Variants in AKT3 observed in about 807,000 individuals in gnomAD.
The protein encoded by AKT3 is AKT serine/threonine kinase 3, also known as RAC-gamma serine/threonine-protein kinase.
AKT3 carries 15 observed loss-of-function variants against 65.3 expected under a neutral mutation model. The observed-to-expected ratio is 0.23, with a 90% CI of 0.15 to 0.35. The LOEUF (loss-of-function observed/expected upper bound fraction) is 0.35. AKT3 is among the 10% of genes least tolerant of loss of function. The probability of loss-of-function intolerance (pLI) is 1.00; values close to 1 mark genes in which losing one functional copy is unlikely to be tolerated. For synonymous variants in AKT3, 206 were observed against 183.8 expected (o/e 1.12, Z -0.98); for missense variants, 243 against 576.5 (o/e 0.42, Z 5.92).
At chr1:243,545,816 C>T (rs1371078268) in intron 11 of AKT3, among the ~76,000 whole-genome samples, 1 of 152,236 alleles carries the variant, frequency 6.6e-6, no homozygotes, top group East Asian at 1.9e-4. Context: ...AGAGCAGAGG[C>T]TTTAGAGATA....
intron 6 of AKT3, among the ~76,000 whole-genome samples, chr1:243,630,313 C>T (rs1391272244): frequency 6.6e-6 from 1 of 152,124 alleles, no homozygotes; most frequent in Non-Finnish European, 1.5e-5. Flanking sequence ...GTGTTATAAC[C>T]CAAATCAGGA....
intron 2 of AKT3, among the ~76,000 whole-genome samples, chr1:243,728,084 C>T (rs1403645152): frequency 2.6e-5 from 4 of 152,260 alleles, no homozygotes; most frequent in South Asian, 2.1e-4. Context: ...TCACAGTGTA[C>T]GTTAACATGA....
chr1:243,646,544 G>C (rs530072184), intron 4 of AKT3, among the ~76,000 whole-genome samples: 2 of 151,786 alleles, frequency 1.3e-5, no homozygotes, highest in Admixed American at 1.3e-4. Flanking sequence ...TAGTAGAGAC[G>C]GGGTTTCACC....
chr1:243,540,604 T>G (rs1408604775), intron 12 of AKT3, among the ~76,000 whole-genome samples: 2 of 152,120 alleles, frequency 1.3e-5, no homozygotes, highest in East Asian at 3.8e-4. Context: ...AGTATGAATA[T>G]CAAAACAAAG....
intron 9 of AKT3, among the ~76,000 whole-genome samples, chr1:243,567,142 G>A (rs931229741): frequency 2.6e-5 from 4 of 152,040 alleles, no homozygotes; most frequent in Admixed American, 2.0e-4. Context: ...TTAGCTGTGC[G>A]TGGTGGTATG....
At chr1:243,590,959 T>C (rs1263880793) in intron 8 of AKT3, among the ~76,000 whole-genome samples, 1 of 152,120 alleles carries the variant, frequency 6.6e-6, no homozygotes, top group Non-Finnish European at 1.5e-5. Flanking sequence ...GCTGGATACC[T>C]AGAAACAATG....
At chr1:243,489,208 C>T in intron 13 of AKT3, 2 of 1,570,098 alleles carry the variant, frequency 1.3e-6, no homozygotes, top group South Asian at 2.3e-5. Context: ...CTTTTATGCA[C>T]CTCAACAGGC....
At chr1:243,589,682 G>GTA (rs934482305) in intron 8 of AKT3, among the ~76,000 whole-genome samples, 4 of 152,072 alleles carry the variant, frequency 2.6e-5, no homozygotes, top group South Asian at 2.1e-4. Context: ...TCACTTCTAG[G>GTA]TATATATATC....
chr1:243,843,424 T>A lies in AKT3; in HGVS notation c.-112-142A>T, dbSNP rs1206179360. ...GGCTCTTCAAACTGGGGAACTTATTTATTAAATAGTTCTATAATGAAAGCA... is the reference window on the plus strand; with the variant it reads ...GGCTCTTCAAACTGGGGAACTTATTAATTAAATAGTTCTATAATGAAAGCA... On this transcript the variant is annotated intron_variant, in intron 1 of 13. Transcript: ENST00000673466. 2.7e-6 allele frequency: 3 copies of A among 1,097,338 alleles called. No homozygotes were observed. The East Asian group carries it at 9.8e-5, about 36-fold the overall frequency. The allele number at this position is 1,097,338 out of a possible 1,614,324, so 68.0% of individuals were successfully genotyped here.
At chr1:243,824,138 G>C (rs951614191) in intron 2 of AKT3, among the ~76,000 whole-genome samples, 13 of 152,098 alleles carry the variant, frequency 8.5e-5, no homozygotes, top group African/African-American at 2.9e-4. Context: ...TGACAAACCT[G>C]ACAAAAACAA....
intron 4 of AKT3, among the ~76,000 whole-genome samples, chr1:243,649,494 T>C (rs556652938): frequency 7.1e-4 from 108 of 152,146 alleles, no homozygotes; most frequent in Non-Finnish European, 1.3e-3. Context: ...ACATGTGTCA[T>C]GGCGGTTTGC....
intron 13 of AKT3, among the ~76,000 whole-genome samples, chr1:243,506,872 A>G (rs1325439423): frequency 2.0e-5 from 3 of 152,242 alleles, no homozygotes; most frequent in Non-Finnish European, 4.4e-5. Context: ...CAAGTCACAC[A>G]CATCTTTTAG....
chr1:243,498,817 T>C (rs1668730279), downstream of AKT3, among the ~76,000 whole-genome samples: 1 of 152,214 alleles, frequency 6.6e-6, no homozygotes, highest in Non-Finnish European at 1.5e-5. Flanking sequence ...CACTTCTCTT[T>C]TTGGAAGATG....
At chr1:243,667,135 C>T (rs1682843743) in intron 3 of AKT3, among the ~76,000 whole-genome samples, 3 of 152,172 alleles carry the variant, frequency 2.0e-5, no homozygotes, top group South Asian at 2.1e-4. Context: ...AGTAAGACAT[C>T]GTTACCATGA....
At position 243,664,859 on chromosome 1, in the gene AKT3, C is replaced by A; in HGVS notation, c.197G>T (p.Arg66Leu). The change falls in exon 4 of 14, where the codon CGA becomes CTA. Residue 66 changes from arginine to leucine, a missense_variant. Around this residue, in one of 6 missense-constraint regions of AKT3, gnomAD observed 29 missense variants for 91.3 expected, o/e 0.32. Transcript: ENST00000673466. Reference protein sequence around the residue: ...VAKCQLMKTERPKPNTFIIRC... With the variant: ...VAKCQLMKTELPKPNTFIIRC... ...GATTATAAATGTGTTTGGCTTTGGT[C>A]GTTCTGTTTTCATTAACTGGCATTC... is the stretch of plus-strand genomic sequence containing the variant. The A allele has an allele frequency of 1.3e-6, 2 of 1,578,308 alleles. No homozygotes were observed. The highest frequency in any genetic ancestry group is 2.4e-5 in the South Asian group (2 of 84,384).
At chr1:243,585,502 T>C (rs1178049127) in intron 8 of AKT3, among the ~76,000 whole-genome samples, 1 of 152,002 alleles carries the variant, frequency 6.6e-6, no homozygotes, top group East Asian at 1.9e-4. Flanking sequence ...ACTATAAAGC[T>C]ACAGCAACCA....
At chr1:243,742,682 T>C (rs924196664) in intron 2 of AKT3, among the ~76,000 whole-genome samples, 2 of 152,302 alleles carry the variant, frequency 1.3e-5, no homozygotes, top group African/African-American at 2.4e-5. Flanking sequence ...TTGTGAAAGT[T>C]TTCTTCTCAT....
At chr1:243,494,444 G>A (rs1667300664) in intron 13 of AKT3, among the ~76,000 whole-genome samples, 1 of 152,094 alleles carries the variant, frequency 6.6e-6, no homozygotes, top group South Asian at 2.1e-4. Flanking sequence ...TGCTGCCTGA[G>A]TGTTTTTAAA....
At chr1:243,617,274 T>C (rs1678401469) in intron 6 of AKT3, among the ~76,000 whole-genome samples, 1 of 152,050 alleles carries the variant, frequency 6.6e-6, no homozygotes, top group Admixed American at 6.6e-5. Context: ...TTAGTTCTAC[T>C]TACATGGTGA....
Sources: allele counts gnomAD v4.1 joint callset (sites outside exome capture counted in the v4.1 genomes callset), GRCh38; gene constraint gnomAD v4.1.1; regional missense constraint gnomAD v4.1.1; transcripts MANE v1.5; gene names NCBI Gene and HGNC (gene_info 2026-07-23, HGNC 2026-07-21).